Variants in NLRP9 observed in about 807,000 individuals in gnomAD.
The protein encoded by NLRP9 is NACHT, LRR and PYD domains-containing protein 9.
NLRP9 carries 88 observed loss-of-function variants against 83.1 expected under a neutral mutation model. The observed-to-expected ratio is 1.06, with a 90% CI of 0.89 to 1.26. NLRP9 has a LOEUF of 1.26. NLRP9 is among the 50% of genes most tolerant of loss of function. The pLI is 0.00. For missense variants in NLRP9, 1,308 were observed against 1,179.3 expected, an observed-to-expected ratio of 1.11 and a Z score of -1.60; for synonymous variants, 521 against 447.6, an observed-to-expected ratio of 1.16 and a Z score of -2.07.
chr19:55,720,051 G>GA (rs111425090), intron 4 of NLRP9, among the ~76,000 whole-genome samples: 2 of 152,012 alleles, frequency 1.3e-5, no homozygotes, highest in Non-Finnish European at 2.9e-5. Flanking sequence ...ATGTGTGGGG[G>GA]AAAAAAATCT....
intron 3 of NLRP9, among the ~76,000 whole-genome samples, chr19:55,728,255 TG>T (rs977555545): frequency 7.9e-5 from 12 of 152,236 alleles, no homozygotes; most frequent in African/African-American, 2.6e-4. Context: ...GTCAGGTTGG[TG>T]GAAACTCTCC....
intron 5 of NLRP9, among the ~76,000 whole-genome samples, chr19:55,716,457 C>T (rs1988016548): frequency 6.6e-6 from 1 of 151,902 alleles, no homozygotes; most frequent in South Asian, 2.1e-4. Flanking sequence ...TGGAGTTTCC[C>T]CATGTTGGCC....
chr19:55,709,644 G>C (rs1409092848), intron 8 of NLRP9: 1 of 152,138 alleles, frequency 6.6e-6, no homozygotes, highest in East Asian at 1.9e-4. Context: ...ACATCAATTT[G>C]TTAAATACAT....
intron 8 of NLRP9, 22 bp from the exon 9 acceptor site, chr19:55,709,066 T>G (rs776876083): frequency 9.7e-6 from 15 of 1,541,314 alleles, no homozygotes; most frequent in East Asian, 2.4e-5. Flanking sequence ...GAAATAAAGT[T>G]TTTTTTTTTG....
At chr19:55,711,265 T>C in intron 8 of NLRP9, 1 of 638,212 alleles carries the variant, frequency 1.6e-6, no homozygotes, top group Non-Finnish European at 1.9e-6. Context: ...AAATAACTTT[T>C]AAAAATTAAA....
Position 55,711,726 on chromosome 19 carries a change from G to A in NLRP9, c.2843+74C>T, listed in dbSNP as rs1568591185. ...CCTCCAGCCTGGCATCCATCATGTCGCGGTTGAGCAAATGGCCAATGAACT... is the reference window on the plus strand; with the variant it reads ...CCTCCAGCCTGGCATCCATCATGTCACGGTTGAGCAAATGGCCAATGAACT... On this transcript the variant is annotated intron_variant, in intron 8 of 8. Coordinates refer to ENST00000332836, the MANE Select transcript of NLRP9 (RefSeq NM_176820.4). 20 of 1,431,878 alleles carry A rather than the reference G, an allele frequency of 1.4e-5. 1 individual carries two copies. The highest frequency in any genetic ancestry group is 9.7e-5 in the South Asian group (8 of 82,768). The allele number at this position is 1,431,878 out of a possible 1,614,324, so 88.7% of individuals were successfully genotyped here. A position where few individuals can be genotyped will look rare whatever the true frequency, so the allele number is the denominator to read the frequency against.
intron 1 of NLRP9, among the ~76,000 whole-genome samples, chr19:55,734,635 ATATTTTT>A (rs763336836): frequency 5.0e-5 from 6 of 120,034 alleles, no homozygotes; most frequent in African/African-American, 1.8e-4. Flanking sequence ...ATATATATAT[ATATTTTT>A]TTTTTTTTTG....
Position 55,732,374 on chromosome 19 carries a change from G to T in NLRP9, c.1457C>A (p.Thr486Asn). 6.2e-7 allele frequency: 1 copy of T among 1,614,220 alleles called. No individual in the cohort carries two copies. The highest frequency in any genetic ancestry group is 1.1e-5 in the South Asian group (1 of 91,090). The stretch of plus-strand genomic sequence containing the variant: ...GAATATCCCCACCTGGGTCAAGAGG[G>T]TTTGAGGCTGAACCACACTTGCTCT... ...LVRASVVQPQ[T>N]LLTQVGIFMF... Residue 486 changes from threonine to asparagine, a missense_variant, in exon 2 of 9, where the codon ACC (threonine) becomes AAC (asparagine). Transcript: ENST00000332836.
At chr19:55,718,300 A>G (rs1002568241) in intron 4 of NLRP9, among the ~76,000 whole-genome samples, 4 of 152,138 alleles carry the variant, frequency 2.6e-5, no homozygotes, top group African/African-American at 4.8e-5. Flanking sequence ...CCATCCCCCA[A>G]CCCGACACCC....
At chr19:55,738,015 G>A in intron 1 of NLRP9, 80 bp downstream of exon 1, 1 of 1,298,990 alleles carries the variant, frequency 7.7e-7, no homozygotes, top group South Asian at 1.3e-5. Context: ...TGATGGAGGG[G>A]GTGGCCACTC....
chr19:55,731,318 T>C (rs1416752233), intron 2 of NLRP9, among the ~76,000 whole-genome samples: 1 of 140,728 alleles, frequency 7.1e-6, no homozygotes, highest in African/African-American at 2.7e-5. Context: ...GCACAAGCTA[T>C]GGAGGGGGAA....
intron 4 of NLRP9, among the ~76,000 whole-genome samples, chr19:55,723,270 C>G (rs774575313): frequency 1.3e-5 from 2 of 152,154 alleles, no homozygotes; most frequent in Non-Finnish European, 2.9e-5. Flanking sequence ...CTCCCCCTGG[C>G]TTTAATGCTG....
intron 1 of NLRP9, among the ~76,000 whole-genome samples, chr19:55,734,641 T>A (rs113404933): frequency 0.042 from 5,290 of 126,890 alleles, 102 homozygotes; most frequent in South Asian, 0.059. Context: ...ATATATATTT[T>A]TTTTTTTTTT....
intron 8 of NLRP9, chr19:55,711,267 AAAATT>A (rs1987710947): frequency 1.5e-6 from 1 of 652,110 alleles, no homozygotes; most frequent in South Asian, 6.9e-5. Flanking sequence ...ATAACTTTTA[AAAATT>A]AAAAAAATAA....
chr19:55,720,197 T>C (rs1437427579), intron 4 of NLRP9, among the ~76,000 whole-genome samples: 1 of 152,238 alleles, frequency 6.6e-6, no homozygotes, highest in Non-Finnish European at 1.5e-5. Context: ...TGAATTTTTT[T>C]TAAACCTGAC....
intron 4 of NLRP9, among the ~76,000 whole-genome samples, chr19:55,718,965 A>C (rs1988130698): frequency 6.6e-6 from 1 of 152,146 alleles, no homozygotes; most frequent in South Asian, 2.1e-4. Context: ...TATTAAATTG[A>C]GAGTCAGATC....
rs1217415145 is a variant in NLRP9, at chr19:55,732,406, C to T, written c.1425G>A (p.Gln475=). The change falls in exon 2 of 9, where the codon CAG becomes CAA. Residue 475 remains glutamine (Q), a synonymous_variant. Coordinates refer to ENST00000332836, the MANE Select transcript of NLRP9 (RefSeq NM_176820.4). ...GCTGAACCACACTTGCTCTTACAAG[C>T]TGGGTTATGCTTCCAATGGCCGGGT... ...DPNPAIGSIT[Q]LVRASVVQPQ... 6.2e-7 allele frequency: 1 copy of T among 1,614,110 alleles called. No homozygotes were observed. Among genetic ancestry groups the T allele is most frequent in the East Asian group, 2.2e-5 (1 of 44,898 alleles).
intron 1 of NLRP9, among the ~76,000 whole-genome samples, chr19:55,736,936 T>C (rs569679390): frequency 6.8e-6 from 1 of 147,754 alleles, no homozygotes; most frequent in South Asian, 2.2e-4. Context: ...CGAAATAAGG[T>C]CTCAAATTAG....
chr19:55,711,525 C>A lies in NLRP9; in HGVS notation c.2843+275G>T, dbSNP rs1017387178. On this transcript the variant is annotated intron_variant, in intron 8 of 8. Transcript: ENST00000332836. ...TGGTTCTCACCTGGTGCAACTGTGT[C>A]TCCGAGGGACTTCTGACAATTTCTG... 20 of 1,264,214 alleles carry A rather than the reference C, an allele frequency of 1.6e-5. No individual in the cohort carries two copies. The Admixed American group carries it at 4.3e-4, about 27-fold the overall frequency. 78.3% of individuals were successfully genotyped at this position (1,264,214 alleles called of 1,614,324 possible). A position where few individuals can be genotyped will look rare whatever the true frequency, so the allele number is the denominator to read the frequency against.
Sources: gnomAD v4.1 joint callset for allele counts (sites outside exome capture counted in the v4.1 genomes callset) on GRCh38, gnomAD v4.1.1 for gene constraint, MANE v1.5 for transcripts, NCBI Gene and HGNC (gene_info 2026-07-23, HGNC 2026-07-21) for gene names.